Variants in PPP1R1C observed in about 807,000 individuals in gnomAD.
PPP1R1C encodes protein phosphatase 1 regulatory subunit 1C.
A neutral mutation model predicts 17.4 loss-of-function variants in PPP1R1C; 15 were observed. That is an observed-to-expected ratio of 0.86 (90% CI 0.58 to 1.33). The LOEUF is 1.33. PPP1R1C is among the 40% of genes most tolerant of loss of function. The probability of loss-of-function intolerance (pLI) is 0.00; values close to 1 mark genes in which losing one functional copy is unlikely to be tolerated. For synonymous variants in PPP1R1C, 35 were observed against 43.1 expected, an observed-to-expected ratio of 0.81 and a Z score of 0.73; for missense variants, 143 against 130.0, an observed-to-expected ratio of 1.10 and a Z score of -0.48.
chr2:182,093,045 C>T (rs996066074), intron 4 of PPP1R1C, among the ~76,000 whole-genome samples: 24 of 152,312 alleles, frequency 1.6e-4, no homozygotes, highest in African/African-American at 3.1e-4. Flanking sequence ...TCTGCACTGC[C>T]GCAGCAGAAA....
chr2:182,042,317 CAGAGACT>C (rs1207620725), intron 2 of PPP1R1C, among the ~76,000 whole-genome samples: 1 of 152,096 alleles, frequency 6.6e-6, no homozygotes, highest in African/African-American at 2.4e-5. Context: ...CTCTGGAATG[CAGAGACT>C]AGAAAAGGAT....
chr2:181,988,169 G>A (rs919788500), intron 2 of PPP1R1C, among the ~76,000 whole-genome samples: 3 of 152,230 alleles, frequency 2.0e-5, no homozygotes, highest in Non-Finnish European at 2.9e-5. Context: ...ATGTTCAGGT[G>A]TTTGTATGGA....
intron 2 of PPP1R1C, among the ~76,000 whole-genome samples, chr2:182,029,585 G>C (rs1157993626): frequency 3.1e-5 from 3 of 96,622 alleles, no homozygotes; most frequent in African/African-American, 1.2e-4. Context: ...GAGATCCGCT[G>C]TTAGTCTGAT....
intron 5 of PPP1R1C, among the ~76,000 whole-genome samples, chr2:182,125,472 G>C (rs984655500): frequency 6.6e-6 from 1 of 152,164 alleles, no homozygotes; most frequent in Non-Finnish European, 1.5e-5. Context: ...TAGAAGGAAA[G>C]GTACCAGCTC....
chr2:182,013,687 T>C (rs113927385), intron 2 of PPP1R1C, among the ~76,000 whole-genome samples: 267 of 152,272 alleles, frequency 1.8e-3, no homozygotes, highest in Non-Finnish European at 2.9e-3. Context: ...TTGAGGCTAT[T>C]TTCTAGATCT....
intron 4 of PPP1R1C, among the ~76,000 whole-genome samples, chr2:182,101,817 T>C (rs1348226906): frequency 1.3e-5 from 2 of 152,214 alleles, no homozygotes; most frequent in Non-Finnish European, 2.9e-5. Flanking sequence ...CTCAAAGCCC[T>C]GTTACTGCTG....
chr2:182,057,536 T>C (rs530452544), intron 2 of PPP1R1C, among the ~76,000 whole-genome samples: 1 of 152,302 alleles, frequency 6.6e-6, no homozygotes, highest in East Asian at 1.9e-4. Context: ...TTTTATGCTT[T>C]GTTCCATTAT....
chr2:182,053,034 A>G (rs1393223334), intron 2 of PPP1R1C, among the ~76,000 whole-genome samples: 1 of 152,246 alleles, frequency 6.6e-6, no homozygotes, highest in Non-Finnish European at 1.5e-5. Flanking sequence ...TTATTTTGGA[A>G]CCAAGAAAAA....
chr2:181,998,949 T>C (rs1685688172), intron 2 of PPP1R1C, among the ~76,000 whole-genome samples: 1 of 152,212 alleles, frequency 6.6e-6, no homozygotes, highest in South Asian at 2.1e-4. Context: ...CTAAAACGGA[T>C]CATCTCAATT....
upstream of PPP1R1C, chr2:181,985,733 G>T (rs1345399531): frequency 7.6e-6 from 2 of 264,100 alleles, no homozygotes; most frequent in Non-Finnish European, 1.5e-5. The surrounding 1 kb of genome is among the most constrained non-coding windows in gnomAD (Gnocchi z 4.1). Context: ...ATGTACAGTG[G>T]ATAGAGCCTT....
At chr2:182,019,051 C>T (rs954848458) in intron 2 of PPP1R1C, among the ~76,000 whole-genome samples, 3 of 152,074 alleles carry the variant, frequency 2.0e-5, no homozygotes, top group African/African-American at 7.2e-5. Context: ...GTGAATGCAA[C>T]ATTACATTAC....
intron 2 of PPP1R1C, among the ~76,000 whole-genome samples, chr2:182,021,442 C>A (rs544535922): frequency 1.5e-4 from 23 of 151,388 alleles, no homozygotes; most frequent in African/African-American, 5.6e-4. Flanking sequence ...ACTCTCCTGC[C>A]TCAGCCTCCC....
intron 2 of PPP1R1C, among the ~76,000 whole-genome samples, chr2:182,012,555 C>A (rs1387579628): frequency 6.6e-6 from 1 of 151,838 alleles, no homozygotes; most frequent in Non-Finnish European, 1.5e-5. Context: ...TTAAAAAAAA[C>A]CTTTTAGCCA....
At chr2:181,983,616 C>G (rs1685234623), upstream of PPP1R1C, among the ~76,000 whole-genome samples, 1 of 152,122 alleles carries the variant, frequency 6.6e-6, no homozygotes, top group Non-Finnish European at 1.5e-5. Context: ...CTTCAAATAC[C>G]TTTTAACACA....
At chr2:182,035,846 G>A (rs1418034800) in intron 2 of PPP1R1C, among the ~76,000 whole-genome samples, 1 of 152,232 alleles carries the variant, frequency 6.6e-6, no homozygotes, top group Middle Eastern at 3.4e-3. Context: ...AGCAGTGTGA[G>A]AACAGACTAA....
At chr2:181,981,205 G>A (rs1263985300), upstream of PPP1R1C, among the ~76,000 whole-genome samples, 1 of 152,120 alleles carries the variant, frequency 6.6e-6, no homozygotes, top group Non-Finnish European at 1.5e-5. Flanking sequence ...TGGGATTACA[G>A]GCGTGAGCCA....
intron 4 of PPP1R1C, among the ~76,000 whole-genome samples, chr2:182,102,733 A>G (rs560598548): frequency 6.6e-6 from 1 of 152,286 alleles, no homozygotes; most frequent in African/African-American, 2.4e-5. Context: ...TTTTTTGTAA[A>G]TGTAATATAT....
intron 3 of PPP1R1C, 80 bp from the exon 4 acceptor site, chr2:182,063,651 A>T: frequency 1.9e-6 from 2 of 1,058,650 alleles, no homozygotes; most frequent in Non-Finnish European, 3.0e-6. Context: ...ATGGCACAGT[A>T]TTTATTTCCC....
intron 4 of PPP1R1C, among the ~76,000 whole-genome samples, chr2:182,076,200 T>TC (rs1688301549): frequency 3.4e-5 from 1 of 29,326 alleles, no homozygotes; most frequent in South Asian, 1.7e-3. Context: ...TTCTTTTCTT[T>TC]TTTTTTTTTT....
Sources: allele counts gnomAD v4.1 joint callset (sites outside exome capture counted in the v4.1 genomes callset), GRCh38; gene constraint gnomAD v4.1.1; non-coding constraint Gnocchi (gnomAD v3.1); transcripts MANE v1.5; gene names NCBI Gene and HGNC (gene_info 2026-07-23, HGNC 2026-07-21).